Variants in SCUBE1 observed in about 807,000 individuals in gnomAD.
The protein encoded by SCUBE1 is signal peptide, CUB domain and EGF like domain containing 1, also known as signal peptide, CUB and EGF-like domain-containing protein 1.
SCUBE1 carries 59 observed loss-of-function variants against 124.4 expected under a neutral mutation model. The ratio of observed to expected loss-of-function variants is 0.47; its 90% CI spans 0.38 to 0.59. The LOEUF (loss-of-function observed/expected upper bound fraction) is 0.59, where lower values mean the gene tolerates loss of function less well. Among genes scored for constraint, SCUBE1 ranks in the 20% least tolerant of loss-of-function variants. The pLI is 0.00. For missense variants in SCUBE1, 1,150 were observed against 1,371.2 expected, an observed-to-expected ratio of 0.84 and a Z score of 2.55; for synonymous variants, 545 against 550.9, an observed-to-expected ratio of 0.99 and a Z score of 0.15.
At chr22:43,241,700 C>A (rs1279279943) in intron 6 of SCUBE1, among the ~76,000 whole-genome samples, 3 of 152,230 alleles carry the variant, frequency 2.0e-5, no homozygotes, top group Non-Finnish European at 4.4e-5. Flanking sequence ...CACTTCCCAG[C>A]TCTAGCCCCT....
At chr22:43,239,034 A>G (rs976806914) in intron 6 of SCUBE1, 80 bp from the exon 7 acceptor site, 6 of 1,145,600 alleles carry the variant, frequency 5.2e-6, no homozygotes, top group Admixed American at 3.5e-5. Context: ...AAGATCTTCT[A>G]TGAGACAGGA....
intron 4 of SCUBE1, chr22:43,283,584 T>A (rs1925011426): frequency 1.3e-5 from 2 of 152,214 alleles, no homozygotes; most frequent in Non-Finnish European, 1.5e-5. Flanking sequence ...TGGATATTGT[T>A]CAATTATAAC....
At chr22:43,324,593 C>T (rs569587033) in intron 2 of SCUBE1, among the ~76,000 whole-genome samples, 57 of 152,184 alleles carry the variant, frequency 3.7e-4, no homozygotes, top group African/African-American at 1.3e-3. Flanking sequence ...GAGATAAACA[C>T]ACAAACAAAC....
Position 43,208,109 on chromosome 22 carries a change from G to A in SCUBE1, c.2697C>T (p.Ser899=), listed in dbSNP as rs531996754. 175 of 1,614,120 alleles carry A rather than the reference G, an allele frequency of 1.1e-4. 4 individuals are homozygous for A. In the Middle Eastern group the frequency reaches 1.6e-3, roughly 15 times the overall value. Reference sequence around the variant, plus strand: ...CATAGGGCACTTGGAAGCCTTTGCCGCTGTTGCCTTCATTGGATTTGAACT... The same window carrying A: ...CATAGGGCACTTGGAAGCCTTTGCCACTGTTGCCTTCATTGGATTTGAACT... The part of the protein sequence containing the change: ...WIQFKSNEGN[S]GKGFQVPYVT... The change falls in exon 20 of 22, where the codon AGC becomes AGT. Residue 899 remains serine, a synonymous_variant. Transcript: ENST00000360835.
In SCUBE1 at chr22:43,307,950, G is replaced by A. The variant is rs551492459; in HGVS notation, c.349+11987C>T. On this transcript the variant is annotated intron_variant, in intron 3 of 21. Transcript: ENST00000360835. ...GCCCTGATTGCTGGGCCAGAAGGGG[G>A]CTGGCAGGAAGAACCATCTGGCCCC... Among the ~76,000 whole-genome samples the A allele has an allele frequency of 4.2e-3, 509 of 119,808 alleles. 1 individual carries two copies. The highest frequency in any genetic ancestry group is 7.4e-3 in the Non-Finnish European group (382 of 51,472). 78.6% of individuals were successfully genotyped at this position (119,808 alleles called of 152,430 possible).
intron 3 of SCUBE1, among the ~76,000 whole-genome samples, chr22:43,292,461 T>G (rs972546812): frequency 3.0e-4 from 46 of 152,190 alleles, no homozygotes; most frequent in African/African-American, 1.1e-3. Context: ...TAAACCTTAA[T>G]GTTCCATGTC....
At chr22:43,273,848 C>A (rs1238358213) in intron 4 of SCUBE1, among the ~76,000 whole-genome samples, 1 of 152,106 alleles carries the variant, frequency 6.6e-6, no homozygotes, top group Non-Finnish European at 1.5e-5. Context: ...GCTGGGATTA[C>A]AGGTGTGAGC....
At chr22:43,263,011 G>A (rs1412502764) in intron 4 of SCUBE1, among the ~76,000 whole-genome samples, 166 bp from the exon 5 acceptor site, 3 of 152,204 alleles carry the variant, frequency 2.0e-5, no homozygotes, top group Non-Finnish European at 4.4e-5. Context: ...ATGCGTGTGT[G>A]CAGCAGCCAT....
intron 5 of SCUBE1, among the ~76,000 whole-genome samples, chr22:43,260,688 G>A (rs1923838872): frequency 6.6e-6 from 1 of 152,356 alleles, no homozygotes; most frequent in Admixed American, 6.5e-5. Flanking sequence ...TCAGGCCCCA[G>A]AAATCACATC....
chr22:43,341,342 C>T (rs1272268355), intron 1 of SCUBE1, among the ~76,000 whole-genome samples: 1 of 152,220 alleles, frequency 6.6e-6, no homozygotes, highest in Non-Finnish European at 1.5e-5. Flanking sequence ...GGCACTGCCT[C>T]TAAGGCAGGG....
intron 4 of SCUBE1, among the ~76,000 whole-genome samples, chr22:43,287,247 T>C (rs987737201): frequency 1.3e-5 from 2 of 152,224 alleles, no homozygotes; most frequent in African/African-American, 2.4e-5. Flanking sequence ...AGCCTGTGTG[T>C]GTCCCCCAAA....
chr22:43,270,271 G>T (rs980767515), intron 4 of SCUBE1: 1 of 152,220 alleles, frequency 6.6e-6, no homozygotes, highest in African/African-American at 2.4e-5. Context: ...ACTTCATTAT[G>T]TATCTGCAAA....
chr22:43,265,414 T>C (rs1452042193), intron 4 of SCUBE1, among the ~76,000 whole-genome samples: 5 of 152,208 alleles, frequency 3.3e-5, no homozygotes, highest in Non-Finnish European at 7.4e-5. Flanking sequence ...CTATCTGTAG[T>C]CAGCTGGTCT....
intron 21 of SCUBE1, among the ~76,000 whole-genome samples, chr22:43,207,149 C>T (rs1333273985): frequency 6.6e-5 from 10 of 152,302 alleles, no homozygotes; most frequent in African/African-American, 2.4e-4. Flanking sequence ...GGAGCCTAGT[C>T]CCAGCGGCAG....
chr22:43,257,641 G>A (rs1188236790), intron 6 of SCUBE1, among the ~76,000 whole-genome samples: 1 of 152,172 alleles, frequency 6.6e-6, no homozygotes, highest in Non-Finnish European at 1.5e-5. Flanking sequence ...GCAGCTTGGA[G>A]AGACCAGCAG....
intron 2 of SCUBE1, among the ~76,000 whole-genome samples, chr22:43,337,532 C>T (rs1339765824): frequency 1.3e-5 from 2 of 152,230 alleles, no homozygotes; most frequent in Non-Finnish European, 2.9e-5. Context: ...CCAGCCGCCC[C>T]ACCAGGCTTC....
At chr22:43,303,768 T>G (rs2269668) in intron 3 of SCUBE1, among the ~76,000 whole-genome samples, 102,734 of 152,174 alleles carry the variant, frequency 0.68, 38,345 homozygotes, top group Middle Eastern at 0.85. Flanking sequence ...TAAGGAATTC[T>G]GAGAAACAGT....
At chr22:43,262,368 T>C (rs931665293) in intron 5 of SCUBE1, among the ~76,000 whole-genome samples, 2 of 152,194 alleles carry the variant, frequency 1.3e-5, no homozygotes, top group Non-Finnish European at 2.9e-5. Context: ...TTTGTACTAC[T>C]CATTACCAGG....
intron 7 of SCUBE1, among the ~76,000 whole-genome samples, chr22:43,233,103 G>C (rs1043044549): frequency 3.3e-5 from 5 of 152,242 alleles, no homozygotes; most frequent in Admixed American, 6.5e-5. Context: ...GGTGGCTCAT[G>C]CCTGTAATCC....
Sources: gnomAD v4.1 joint callset for allele counts (sites outside exome capture counted in the v4.1 genomes callset) on GRCh38, gnomAD v4.1.1 for gene constraint, MANE v1.5 for transcripts, NCBI Gene and HGNC (gene_info 2026-07-23, HGNC 2026-07-21) for gene names.